The following GLRA3 variants were observed in gnomAD, a reference collection of about 807,000 sequenced individuals.
The protein encoded by GLRA3 is glycine receptor alpha 3, also known as glycine receptor subunit alpha-3.
A neutral mutation model predicts 60.4 loss-of-function variants in GLRA3; 44 were observed. That is an observed-to-expected ratio of 0.73 (90% confidence interval 0.57 to 0.94). GLRA3 has a LOEUF of 0.94. Ranked by LOEUF, GLRA3 falls within the 40% of genes least tolerant of loss-of-function variation. The probability of loss-of-function intolerance (pLI) is 0.00; values close to 1 mark genes in which losing one functional copy is unlikely to be tolerated. For missense variants in GLRA3, 508 were observed against 564.6 expected (o/e 0.90, Z 1.02); for synonymous variants, 223 against 192.9 (o/e 1.16, Z -1.29).
chr4:174,689,803 G>A (rs948076419), intron 5 of GLRA3, among the ~76,000 whole-genome samples: 7 of 119,568 alleles, frequency 5.9e-5, no homozygotes, highest in African/African-American at 1.9e-4. Context: ...CTAATGGTAT[G>A]CTGTCTTCAA....
At chr4:174,686,435 A>G (rs74983636) in intron 5 of GLRA3, among the ~76,000 whole-genome samples, 2,950 of 152,302 alleles carry the variant, frequency 0.019, 44 homozygotes, top group Middle Eastern at 0.075. Flanking sequence ...TATTCAGGGA[A>G]CAGACATTAA....
At chr4:174,774,380 A>G (rs1023619105) in intron 2 of GLRA3, among the ~76,000 whole-genome samples, 6 of 135,892 alleles carry the variant, frequency 4.4e-5, no homozygotes, top group East Asian at 1.9e-4. Flanking sequence ...GTGTGTGTGT[A>G]TGTGTGTGTG....
chr4:174,770,797 T>C (rs529386914), intron 2 of GLRA3, among the ~76,000 whole-genome samples: 4 of 152,108 alleles, frequency 2.6e-5, no homozygotes, highest in East Asian at 1.9e-4. Context: ...ATTTGTAAGA[T>C]GAGAGCAGTG....
intron 2 of GLRA3, among the ~76,000 whole-genome samples, chr4:174,773,020 T>TA (rs1419469450): frequency 6.6e-6 from 1 of 152,188 alleles, no homozygotes; most frequent in Non-Finnish European, 1.5e-5. Context: ...AGCTTTGAAA[T>TA]AGACATTCAA....
intron 3 of GLRA3, 67 bp from the exon 4 acceptor site, chr4:174,728,765 T>C: frequency 1.0e-6 from 1 of 986,768 alleles, no homozygotes; most frequent in Non-Finnish European, 1.5e-6. Context: ...ATCCATAGTG[T>C]CAGTGTGGTG....
At chr4:174,725,564 G>T (rs942296965) in intron 4 of GLRA3, among the ~76,000 whole-genome samples, 1 of 151,984 alleles carries the variant, frequency 6.6e-6, no homozygotes, top group Non-Finnish European at 1.5e-5. Flanking sequence ...CACTGCAACC[G>T]CTGCCTCTTA....
chr4:174,795,077 C>A (rs1219594808), intron 1 of GLRA3, among the ~76,000 whole-genome samples: 2 of 150,724 alleles, frequency 1.3e-5, no homozygotes, highest in Admixed American at 6.6e-5. Context: ...CAGTGCTTAA[C>A]CTTTTTAAAG....
intron 2 of GLRA3, among the ~76,000 whole-genome samples, chr4:174,781,346 C>A (rs1738862286): frequency 6.7e-6 from 1 of 148,568 alleles, no homozygotes; most frequent in African/African-American, 2.5e-5. Flanking sequence ...GCACTAAATG[C>A]CCACAAGAGA....
intron 7 of GLRA3, among the ~76,000 whole-genome samples, chr4:174,662,525 T>C (rs1163085003): frequency 2.0e-5 from 3 of 152,230 alleles, no homozygotes; most frequent in African/African-American, 7.2e-5. Context: ...TTATATCTTC[T>C]GTATTCTTTC....
chr4:174,828,818 G>C lies in GLRA3; in HGVS notation c.-7C>G, dbSNP rs1272067385. On this transcript the variant is annotated 5_prime_UTR_variant, in exon 1 of 10. Coordinates refer to ENST00000274093, the MANE Select transcript of GLRA3 (RefSeq NM_006529.4). ...AGTGTCTCACGTGGGCCATGATACG[G>C]AGAGATATTCACGATCCTGAAAATA... 12 of 1,593,320 alleles carry C rather than the reference G, an allele frequency of 7.5e-6. No individual in the cohort carries two copies. The highest frequency in any genetic ancestry group is 1.1e-5 in the South Asian group (1 of 90,696).
At chr4:174,744,528 A>G (rs6823897) in intron 3 of GLRA3, among the ~76,000 whole-genome samples, 24,080 of 152,262 alleles carry the variant, frequency 0.16, 2,495 homozygotes, top group African/African-American at 0.3. Context: ...CCACTGAGGA[A>G]ATCACAAATA....
At chr4:174,687,149 G>A (rs1734579485) in intron 5 of GLRA3, among the ~76,000 whole-genome samples, 1 of 152,154 alleles carries the variant, frequency 6.6e-6, no homozygotes, top group Non-Finnish European at 1.5e-5. Flanking sequence ...GCACCAAACT[G>A]TGCTAGGAGT....
intron 3 of GLRA3, among the ~76,000 whole-genome samples, chr4:174,743,364 C>T (rs1053386616): frequency 2.6e-5 from 4 of 152,042 alleles, no homozygotes; most frequent in Non-Finnish European, 5.9e-5. Context: ...AACTTAGTCT[C>T]TTCTAATCTG....
intron 2 of GLRA3, among the ~76,000 whole-genome samples, chr4:174,780,144 G>C (rs1738805257): frequency 2.0e-5 from 3 of 148,900 alleles, no homozygotes; most frequent in Admixed American, 1.3e-4. Context: ...CCAGAAGAGA[G>C]TGGGGGCCAA....
At chr4:174,721,155 A>G (rs188515304) in intron 4 of GLRA3, among the ~76,000 whole-genome samples, 1 of 151,990 alleles carries the variant, frequency 6.6e-6, no homozygotes, top group Admixed American at 6.6e-5. Context: ...CAGCCTCCCG[A>G]GTAGCTGAGA....
intron 7 of GLRA3, among the ~76,000 whole-genome samples, chr4:174,664,760 T>A (rs1393034207): frequency 6.6e-6 from 1 of 152,176 alleles, no homozygotes; most frequent in African/African-American, 2.4e-5. Context: ...AAAATCTGTT[T>A]TATGGGGTAT....
At chr4:174,692,176 T>C (rs1002518168) in intron 5 of GLRA3, among the ~76,000 whole-genome samples, 9 of 151,340 alleles carry the variant, frequency 5.9e-5, no homozygotes, top group African/African-American at 2.2e-4. Flanking sequence ...GTCTGGGAAG[T>C]GAGGAGCGTC....
At chr4:174,649,897 G>A (rs772232870) in intron 9 of GLRA3, among the ~76,000 whole-genome samples, 4 of 151,962 alleles carry the variant, frequency 2.6e-5, no homozygotes, top group Non-Finnish European at 5.9e-5. Flanking sequence ...TAATCTTACT[G>A]TCCATCCCTA....
At chr4:174,687,112 A>G (rs1456048782) in intron 5 of GLRA3, among the ~76,000 whole-genome samples, 1 of 152,208 alleles carries the variant, frequency 6.6e-6, no homozygotes, top group Non-Finnish European at 1.5e-5. Flanking sequence ...TAAAACTTCT[A>G]GTGCTTTAAC....
Sources: gnomAD v4.1 joint callset for allele counts (sites outside exome capture counted in the v4.1 genomes callset) on GRCh38, gnomAD v4.1.1 for gene constraint, MANE v1.5 for transcripts, NCBI Gene and HGNC (gene_info 2026-07-23, HGNC 2026-07-21) for gene names.